STK3: variants seen among roughly 807,000 people sequenced by gnomAD.
STK3 encodes serine/threonine-protein kinase 3.
Under a neutral mutation model 58.0 loss-of-function variants are expected in STK3, and 41 were observed. The observed-to-expected ratio is 0.71, with a 90% CI of 0.55 to 0.92. The LOEUF (loss-of-function observed/expected upper bound fraction) is 0.92, where lower values mean the gene tolerates loss of function less well. STK3 is among the 40% of genes least tolerant of loss of function. STK3 has a pLI of 0.00. For synonymous variants in STK3, 170 were observed against 191.0 expected, an observed-to-expected ratio of 0.89 and a Z score of 0.91; for missense variants, 479 against 602.7, an observed-to-expected ratio of 0.79 and a Z score of 2.15.
intron 7 of STK3, among the ~76,000 whole-genome samples, chr8:98,587,060 G>A (rs1322148248): frequency 1.9e-4 from 29 of 151,986 alleles, no homozygotes; most frequent in Middle Eastern, 3.4e-3. Flanking sequence ...TCCTGGATTC[G>A]TTAATTTTTT....
At chr8:98,588,450 G>T (rs1034705438) in intron 7 of STK3, among the ~76,000 whole-genome samples, 12 of 151,312 alleles carry the variant, frequency 7.9e-5, no homozygotes, top group African/African-American at 2.9e-4. Context: ...GGCTTGTAGG[G>T]TTTCTGCTGA....
intron 4 of STK3, among the ~76,000 whole-genome samples, chr8:98,735,254 G>C (rs1828492622): frequency 6.6e-6 from 1 of 152,050 alleles, no homozygotes; most frequent in Non-Finnish European, 1.5e-5. Flanking sequence ...AGCTATTCTA[G>C]GCACTTGGAA....
At chr8:98,471,036 G>T (rs1277779323) in intron 10 of STK3, among the ~76,000 whole-genome samples, 1 of 152,188 alleles carries the variant, frequency 6.6e-6, no homozygotes, top group Non-Finnish European at 1.5e-5. Context: ...AAAAGGGTAA[G>T]GGTGAATGAA....
intron 6 of STK3, among the ~76,000 whole-genome samples, chr8:98,669,725 G>C (rs554746871): frequency 6.6e-6 from 1 of 152,272 alleles, no homozygotes; most frequent in South Asian, 2.1e-4. Flanking sequence ...ACAACTGAGG[G>C]TAACAAAGTA....
intron 6 of STK3, among the ~76,000 whole-genome samples, chr8:98,650,612 T>G (rs934226812): frequency 6.6e-6 from 1 of 152,230 alleles, no homozygotes; most frequent in Non-Finnish European, 1.5e-5. Context: ...AGAGGGCACC[T>G]GGAAAAGCGG....
At chr8:98,591,525 T>C (rs1287884983) in intron 7 of STK3, among the ~76,000 whole-genome samples, 3 of 152,214 alleles carry the variant, frequency 2.0e-5, no homozygotes, top group African/African-American at 7.2e-5. Flanking sequence ...AAACTTCTCT[T>C]CTGACTCAAG....
chr8:98,848,093 G>A (rs1467521935), intron 3 of STK3, among the ~76,000 whole-genome samples: 4 of 152,132 alleles, frequency 2.6e-5, no homozygotes, highest in African/African-American at 4.8e-5. Flanking sequence ...CTCATTTAAA[G>A]TGTAAAGTTC....
intron 3 of STK3, among the ~76,000 whole-genome samples, chr8:98,862,240 T>A (rs1216989245): frequency 2.0e-5 from 3 of 152,242 alleles, no homozygotes; most frequent in African/African-American, 4.8e-5. Context: ...ACTCTGGAAC[T>A]TCTGGAGTAA....
At chr8:98,388,302 C>T (rs2131009235), upstream of STK3, 1 of 152,284 alleles carries the variant, frequency 6.6e-6, no homozygotes. Context: ...GTAGCCCCCA[C>T]TGTTATAATG....
At chr8:98,881,790 T>A (rs1298322682), downstream of STK3, 1 of 152,196 alleles carries the variant, frequency 6.6e-6, no homozygotes, top group Non-Finnish European at 1.5e-5. Context: ...GTGTATGCAT[T>A]GCTAAAAAAA....
intron 4 of STK3, among the ~76,000 whole-genome samples, chr8:98,710,741 G>C (rs4266619): frequency 0.049 from 7,456 of 152,340 alleles, 274 homozygotes; most frequent in Middle Eastern, 0.078. Flanking sequence ...CAAGGCAGCA[G>C]AAACGTCTGC....
chr8:98,941,486 C>T (rs1220104197), intron 1 of STK3, among the ~76,000 whole-genome samples: 1 of 152,260 alleles, frequency 6.6e-6, no homozygotes, highest in Admixed American at 6.5e-5. Flanking sequence ...GAGGTAGTGG[C>T]TGGGATCCCT....
chr8:98,925,285 T>C (rs1839745339), intron 1 of STK3, among the ~76,000 whole-genome samples: 1 of 152,242 alleles, frequency 6.6e-6, no homozygotes, highest in Non-Finnish European at 1.5e-5. Context: ...TGATAGTGAT[T>C]GCTCACATTT....
chr8:98,741,849 A>G (rs932692179), intron 4 of STK3, among the ~76,000 whole-genome samples: 18 of 152,240 alleles, frequency 1.2e-4, no homozygotes, highest in Admixed American at 3.3e-4. Flanking sequence ...AGACTAATGA[A>G]GAAAAGAGAG....
At chr8:98,745,788 A>T (rs752880203) in intron 4 of STK3, among the ~76,000 whole-genome samples, 1 of 152,156 alleles carries the variant, frequency 6.6e-6, no homozygotes, top group Non-Finnish European at 1.5e-5. Flanking sequence ...AGGAGGATCA[A>T]CCCTCAAAAG....
intron 8 of STK3, among the ~76,000 whole-genome samples, chr8:98,574,152 G>A (rs1586899097): frequency 1.3e-5 from 2 of 152,126 alleles, no homozygotes; most frequent in Admixed American, 1.3e-4. Context: ...AAAAGTAACA[G>A]GAAAAGTAAA....
intron 10 of STK3, among the ~76,000 whole-genome samples, chr8:98,472,768 T>G (rs1411813147): frequency 1.3e-5 from 2 of 152,102 alleles, no homozygotes. Flanking sequence ...AAAATAAAAT[T>G]TTACTTTATT....
At chr8:98,636,297 A>T (rs951620132) in intron 6 of STK3, among the ~76,000 whole-genome samples, 3 of 152,162 alleles carry the variant, frequency 2.0e-5, no homozygotes, top group Non-Finnish European at 2.9e-5. Flanking sequence ...ATTATACTAT[A>T]TAAGCAATTA....
chr8:98,546,863 A>T (rs990449756), intron 9 of STK3, among the ~76,000 whole-genome samples: 1 of 152,106 alleles, frequency 6.6e-6, no homozygotes, highest in South Asian at 2.1e-4. Flanking sequence ...GTGCTTCATG[A>T]TCCTCTCTAT....
Sources: allele counts gnomAD v4.1 joint callset (sites outside exome capture counted in the v4.1 genomes callset), GRCh38; gene constraint gnomAD v4.1.1; transcripts MANE v1.5; gene names NCBI Gene and HGNC (gene_info 2026-07-23, HGNC 2026-07-21).